Variants in WNK2 observed in about 807,000 individuals in gnomAD.
WNK2 encodes the protein WNK lysine deficient protein kinase 2.
WNK2 carries 67 observed loss-of-function variants against 192.1 expected under a neutral mutation model. The observed-to-expected ratio is 0.35, with a 90% CI of 0.29 to 0.43. WNK2 has a LOEUF of 0.43. WNK2 is among the 20% of genes least tolerant of loss of function. WNK2 has a pLI of 1.00. For synonymous variants in WNK2, 1,439 were observed against 1,393.9 expected, an observed-to-expected ratio of 1.03 and a Z score of -0.72; for missense variants, 2,698 against 3,089.7, an observed-to-expected ratio of 0.87 and a Z score of 3.01.
At chr9:93,193,874 G>A (rs989516794) in intron 2 of WNK2, among the ~76,000 whole-genome samples, 2 of 152,164 alleles carry the variant, frequency 1.3e-5, no homozygotes, top group Non-Finnish European at 2.9e-5. Context: ...AAAGAAAAGT[G>A]GTCAAGGCAG....
At position 93,290,065 on chromosome 9, in the gene WNK2, A is replaced by C; in HGVS notation, c.4936+18A>C. 1 of 1,555,534 alleles carries C rather than the reference A, an allele frequency of 6.4e-7. No individual in the cohort carries two copies. The highest frequency in any genetic ancestry group is 2.4e-5 in the East Asian group (1 of 41,478). ...AATGACAGGTAACAGCTTCCTGCTG[A>C]ACCCTGCGTTCACAAGGTGCTGCCT... On this transcript the variant is annotated intron_variant, in intron 21 of 29. Transcript: ENST00000427277.
At position 93,298,056 on chromosome 9, in the gene WNK2, C is replaced by T. The variant is rs1303079955; in HGVS notation, c.5912C>T (p.Ala1971Val). 6.5e-7 allele frequency: 1 copy of T among 1,550,112 alleles called. No homozygotes were observed. The highest frequency in any genetic ancestry group is 8.7e-7 in the Non-Finnish European group (1 of 1,147,290). ...CTGGTGCGGCAGCTCAAGGTCGTGGCCTCCAGCACAGGTCGGCCTCCGGGT... is the reference window on the plus strand; with the variant it reads ...CTGGTGCGGCAGCTCAAGGTCGTGGTCTCCAGCACAGGTCGGCCTCCGGGT... Reference protein sequence around the residue: ...NPLVRQLKVVASSTGHLADSS... With the variant: ...NPLVRQLKVVVSSTGHLADSS... The change falls in exon 24 of 30, where the codon GCC becomes GTC. Residue 1971 changes from alanine (A) to valine (V), a missense_variant. Ala to Val is a moderately conservative substitution (Grantham distance 64, BLOSUM62 0). This residue lies in a region of WNK2 where 1,098 missense variants were observed against 1,101.0 expected (regional missense o/e 1.00). Transcript: ENST00000427277.
intron 19 of WNK2, among the ~76,000 whole-genome samples, chr9:93,280,062 C>T (rs1564156133): frequency 6.6e-6 from 1 of 152,156 alleles, no homozygotes; most frequent in Non-Finnish European, 1.5e-5. Flanking sequence ...CTGAATTCGT[C>T]AAAGTTTAAA....
intron 23 of WNK2, 149 bp downstream of exon 23, chr9:93,293,322 CTTT>C (rs374773480): frequency 7.8e-3 from 3,238 of 417,018 alleles, no homozygotes; most frequent in South Asian, 0.013. Flanking sequence ...GTGATGAAGG[CTTT>C]TTTTTTTTTT....
intron 14 of WNK2, 40 bp from the exon 15 acceptor site, chr9:93,263,526 T>C (rs1488990924): frequency 6.2e-7 from 1 of 1,604,636 alleles, no homozygotes; most frequent in South Asian, 1.1e-5. Flanking sequence ...GACGTGCTGG[T>C]TGTCCTTTGG....
chr9:93,227,535 G>A (rs1488130021), intron 2 of WNK2, among the ~76,000 whole-genome samples: 3 of 152,162 alleles, frequency 2.0e-5, no homozygotes, highest in Non-Finnish European at 4.4e-5. Context: ...GGCCATTTCT[G>A]TGTCTTTGGT....
At chr9:93,202,659 G>T (rs1362143025) in intron 2 of WNK2, among the ~76,000 whole-genome samples, 2 of 151,600 alleles carry the variant, frequency 1.3e-5, no homozygotes, top group Non-Finnish European at 2.9e-5. Context: ...GCTGGGGCAG[G>T]TGGCATGGTG....
At chr9:93,200,416 G>A (rs1362210871) in intron 2 of WNK2, among the ~76,000 whole-genome samples, 1 of 152,224 alleles carries the variant, frequency 6.6e-6, no homozygotes, top group African/African-American at 2.4e-5. Flanking sequence ...GTTCCCTCAA[G>A]AGCCAGCGGT....
chr9:93,301,895 G>A (rs1160248640), intron 26 of WNK2, among the ~76,000 whole-genome samples: 1 of 152,272 alleles, frequency 6.6e-6, no homozygotes, highest in Non-Finnish European at 1.5e-5. Flanking sequence ...GGGCCATAAT[G>A]TCTCCCCCAG....
At chr9:93,276,514 G>C (rs1225010753) in intron 19 of WNK2, among the ~76,000 whole-genome samples, 1 of 152,174 alleles carries the variant, frequency 6.6e-6, no homozygotes, top group African/African-American at 2.4e-5. Flanking sequence ...TTTTTGATCT[G>C]TGCCAGGCAG....
chr9:93,303,698 G>A (rs1037577792), intron 26 of WNK2, among the ~76,000 whole-genome samples: 1 of 152,194 alleles, frequency 6.6e-6, no homozygotes, highest in Non-Finnish European at 1.5e-5. Flanking sequence ...TGTGGAGCAG[G>A]CCTGTGTGCA....
At chr9:93,226,156 A>G (rs1837778544) in intron 2 of WNK2, among the ~76,000 whole-genome samples, 1 of 152,146 alleles carries the variant, frequency 6.6e-6, no homozygotes, top group South Asian at 2.1e-4. Context: ...CTCACCGCCC[A>G]CCTGGGCCGT....
At chr9:93,271,771 A>G (rs1373524139) in intron 19 of WNK2, among the ~76,000 whole-genome samples, 1 of 152,254 alleles carries the variant, frequency 6.6e-6, no homozygotes, top group Non-Finnish European at 1.5e-5. Context: ...ATAATGCTAA[A>G]AATTTCCCAA....
intron 26 of WNK2, 120 bp from the exon 27 acceptor site, chr9:93,306,657 T>C (rs1238399322): frequency 1.5e-6 from 2 of 1,298,376 alleles, no homozygotes; most frequent in Admixed American, 3.4e-5. Flanking sequence ...CTCTCTGAAC[T>C]GCTGCCTGTG....
At chr9:93,318,658 C>T in intron 29 of WNK2, 1 of 1,530,412 alleles carries the variant, frequency 6.5e-7, no homozygotes, top group Non-Finnish European at 8.8e-7. Context: ...TCTCTCCTGC[C>T]CACTTCCCTC....
chr9:93,301,803 TC>T (rs1266207123), intron 26 of WNK2, among the ~76,000 whole-genome samples: 1 of 152,192 alleles, frequency 6.6e-6, no homozygotes, highest in African/African-American at 2.4e-5. Context: ...AGGCCCCACT[TC>T]CACCCCCATG....
chr9:93,287,568 G>T (rs144680874), intron 19 of WNK2, among the ~76,000 whole-genome samples: 1 of 152,118 alleles, frequency 6.6e-6, no homozygotes, highest in African/African-American at 2.4e-5. Flanking sequence ...TTAGACAGAC[G>T]AACGGTAAGG....
chr9:93,290,163 A>G (rs1849104189), intron 21 of WNK2, 116 bp downstream of exon 21: 2 of 916,796 alleles, frequency 2.2e-6, no homozygotes, highest in African/African-American at 1.7e-5. Flanking sequence ...AGCATTTCTT[A>G]AAGATCCTTT....
At position 93,293,096 on chromosome 9, in the gene WNK2, G is replaced by A. The variant is rs557373329; in HGVS notation, c.5631G>A (p.Ser1877=). Residue 1877 remains serine, a synonymous_variant, in exon 23 of 30, where the codon TCG becomes TCA. Transcript: ENST00000427277. ...GCGTGACCTCCTTCCATTCCCAGTCGTCCTACATCAGCAGCGACAATGATT... is the reference window on the plus strand; with the variant it reads ...GCGTGACCTCCTTCCATTCCCAGTCATCCTACATCAGCAGCGACAATGATT... The part of the protein sequence containing the change: ...TISVTSFHSQ[S]SYISSDNDSE... 4.5e-5 allele frequency: 72 copies of A among 1,604,262 alleles called. No homozygotes were observed. The highest frequency in any genetic ancestry group is 2.8e-4 in the African/African-American group (21 of 74,620).
Sources: gnomAD v4.1 joint callset for allele counts (sites outside exome capture counted in the v4.1 genomes callset) on GRCh38, gnomAD v4.1.1 for gene constraint, gnomAD v4.1.1 regional missense constraint, MANE v1.5 for transcripts, NCBI Gene and HGNC (gene_info 2026-07-23, HGNC 2026-07-21) for gene names.